WDR47: variants seen among roughly 807,000 people sequenced by gnomAD.
WDR47 encodes WD repeat-containing protein 47.
A neutral mutation model predicts 97.2 loss-of-function variants in WDR47; 32 were observed. The observed-to-expected ratio is 0.33, with a 90% confidence interval of 0.25 to 0.44. The LOEUF (loss-of-function observed/expected upper bound fraction) is 0.44, where lower values mean the gene tolerates loss of function less well. Ranked by LOEUF, WDR47 falls within the 20% of genes least tolerant of loss-of-function variation. The pLI is 1.00. For synonymous variants in WDR47, 375 were observed against 373.5 expected (o/e 1.00, Z -0.05); for missense variants, 782 against 1,102.3 (o/e 0.71, Z 4.11).
intron 1 of WDR47, among the ~76,000 whole-genome samples, chr1:109,025,160 G>A (rs1197592061): frequency 6.6e-6 from 1 of 152,038 alleles, no homozygotes; most frequent in East Asian, 1.9e-4. Context: ...CTAGAGGCCT[G>A]GGCATGGTGG....
intron 9 of WDR47, among the ~76,000 whole-genome samples, chr1:108,990,282 C>G (rs1022362631): frequency 6.6e-6 from 1 of 152,170 alleles, no homozygotes; most frequent in Admixed American, 6.5e-5. Context: ...GATCTTGGCT[C>G]ACTGCAACCT....
chr1:109,023,411 C>T lies in WDR47; in HGVS notation c.102G>A (p.Leu34=), dbSNP rs1661989978. The T allele has an allele frequency of 6.2e-7, 1 of 1,613,784 alleles. No individual in the cohort carries two copies. The highest frequency in any genetic ancestry group is 2.2e-5 in the East Asian group (1 of 44,794). ...SKKLHISMLA[L]EKESGVINGL... ...CATTTATGACTCCACTTTCCTTCTC[C>T]AGGGCCAGCATACTAATGTGAAGCT... The change falls in exon 2 of 15, where the codon CTG becomes CTA. Residue 34 remains leucine (L), a synonymous_variant. Transcript: ENST00000369962.
At chr1:108,986,480 A>AAAATTT (rs1289745011) in intron 10 of WDR47, 43 bp downstream of exon 10, 1 of 1,535,680 alleles carries the variant, frequency 6.5e-7, no homozygotes, top group Non-Finnish European at 8.8e-7. Flanking sequence ...CGGCTAAATT[A>AAAATTT]AAAACTAAGG....
At chr1:109,005,548 C>A (rs979566544) in intron 5 of WDR47, among the ~76,000 whole-genome samples, 8 of 152,210 alleles carry the variant, frequency 5.3e-5, no homozygotes, top group African/African-American at 1.9e-4. Flanking sequence ...GGTTATTAGG[C>A]AGGGAGAGTG....
At chr1:109,007,785 T>C (rs908853856) in intron 5 of WDR47, among the ~76,000 whole-genome samples, 4 of 152,206 alleles carry the variant, frequency 2.6e-5, no homozygotes, top group Non-Finnish European at 4.4e-5. Context: ...GCAAAGCTAT[T>C]GTTCAGACCT....
At chr1:108,987,619 C>A (rs1488386612) in intron 9 of WDR47, among the ~76,000 whole-genome samples, 1 of 152,014 alleles carries the variant, frequency 6.6e-6, no homozygotes, top group South Asian at 2.1e-4. Context: ...AGGTACCCAC[C>A]ACCATGCTTG....
At chr1:109,015,208 A>C (rs1661329053) in intron 3 of WDR47, among the ~76,000 whole-genome samples, 1 of 150,638 alleles carries the variant, frequency 6.6e-6, no homozygotes, top group Admixed American at 6.6e-5. Flanking sequence ...AAAAATAACA[A>C]CAGGTTCAAC....
rs1661507690 is a variant in WDR47 at position 109,017,588 on chromosome 1, C to T, written c.172G>A (p.Asp58Asn). 1 of 1,609,564 alleles carries T rather than the reference C, an allele frequency of 6.2e-7. No individual in the cohort carries two copies. The highest frequency in any genetic ancestry group is 1.1e-5 in the South Asian group (1 of 90,062). Residue 58 changes from aspartate (D) to asparagine (N), a missense_variant, in exon 3 of 15, where the codon GAT becomes AAT. This residue lies in a region of WDR47 where 428 missense variants were observed against 584.3 expected (regional missense o/e 0.73). Coordinates refer to ENST00000369962, the MANE Select transcript of WDR47 (RefSeq NM_001142551.2). Reference sequence around the variant, plus strand: ...TGAAGAACTTCATCCCATTGACCATCAAGTATTAGCTGCCTAAATAAAAAA... The same window carrying T: ...TGAAGAACTTCATCCCATTGACCATTAAGTATTAGCTGCCTAAATAAAAAA... ...DMLFLRQLILDGQWDEVLQFI... is the reference protein window; with the variant it reads ...DMLFLRQLILNGQWDEVLQFI...
intron 1 of WDR47, among the ~76,000 whole-genome samples, chr1:109,036,429 G>C (rs1165071365): frequency 6.6e-6 from 1 of 150,522 alleles, no homozygotes; most frequent in African/African-American, 2.5e-5. Context: ...AAAATTAGCC[G>C]GGCTTGGTAG....
intron 9 of WDR47, among the ~76,000 whole-genome samples, chr1:108,990,128 G>A (rs1385308053): frequency 6.6e-6 from 1 of 152,104 alleles, no homozygotes; most frequent in East Asian, 1.9e-4. Context: ...TTGGGAGGTC[G>A]AGGTGGGAGG....
At chr1:109,027,986 T>C (rs2102018032) in intron 1 of WDR47, among the ~76,000 whole-genome samples, 1 of 152,300 alleles carries the variant, frequency 6.6e-6, no homozygotes, top group East Asian at 1.9e-4. Flanking sequence ...AATAATTACT[T>C]CTTCCCCTCT....
intron 1 of WDR47, among the ~76,000 whole-genome samples, chr1:109,035,496 TA>T (rs1215036074): frequency 6.6e-6 from 1 of 151,768 alleles, no homozygotes; most frequent in Non-Finnish European, 1.5e-5. Flanking sequence ...ATACAATTTT[TA>T]AATTTTTTTT....
intron 2 of WDR47, among the ~76,000 whole-genome samples, chr1:109,021,527 C>CAAAA (rs370414324): frequency 3.4e-4 from 42 of 123,828 alleles, no homozygotes; most frequent in African/African-American, 1.0e-3. Flanking sequence ...GCCTCTATCT[C>CAAAA]AAAAAAAAAA....
At chr1:108,974,877 G>C in intron 13 of WDR47, 123 bp from the exon 14 acceptor site, 1 of 799,090 alleles carries the variant, frequency 1.3e-6, no homozygotes, top group Non-Finnish European at 1.9e-6. Flanking sequence ...ACTATTCAGC[G>C]ATGAAAAAAT....
intron 12 of WDR47, 48 bp from the exon 13 acceptor site, chr1:108,981,912 C>T (rs201235486): frequency 2.5e-5 from 39 of 1,581,030 alleles, no homozygotes; most frequent in South Asian, 4.5e-5. Context: ...AGTATCTTTC[C>T]ATAACATATT....
At chr1:108,983,962 T>G (rs1658563164) in intron 10 of WDR47, among the ~76,000 whole-genome samples, 1 of 152,214 alleles carries the variant, frequency 6.6e-6, no homozygotes, top group Admixed American at 6.6e-5. Flanking sequence ...TGTTACATAG[T>G]CCAGTATAAA....
At position 109,031,896 on chromosome 1, in the gene WDR47, C is replaced by G. The variant is rs145268901; in HGVS notation, c.-9-8375G>C. ...CTCACTGCAGCCTTGACCACCTGAG[C>G]TGAAGAGATCCTCCCGCCTCAGCCT... On this transcript the variant is annotated intron_variant, in intron 1 of 14. Coordinates refer to ENST00000369962, the MANE Select transcript of WDR47 (RefSeq NM_001142551.2). Among the ~76,000 whole-genome samples the G allele has an allele frequency of 8.8e-4, 115 of 131,140 alleles. 21 individuals carry two copies. The highest frequency in any genetic ancestry group is 7.6e-3 in the Middle Eastern group (2 of 262). 86.0% of individuals were successfully genotyped at this position (131,140 alleles called of 152,430 possible).
At chr1:108,980,195 G>A (rs1658237490) in intron 13 of WDR47, among the ~76,000 whole-genome samples, 1 of 151,800 alleles carries the variant, frequency 6.6e-6, no homozygotes, top group Non-Finnish European at 1.5e-5. Flanking sequence ...GCGGACTGCT[G>A]CCTTAAACTG....
intron 7 of WDR47, among the ~76,000 whole-genome samples, chr1:108,999,964 C>A (rs1441579776): frequency 6.6e-6 from 1 of 152,176 alleles, no homozygotes; most frequent in African/African-American, 2.4e-5. Flanking sequence ...TCTGACAAGC[C>A]ACCCACTTCA....
Sources: gnomAD v4.1 joint callset for allele counts (sites outside exome capture counted in the v4.1 genomes callset) on GRCh38, gnomAD v4.1.1 for gene constraint, gnomAD v4.1.1 regional missense constraint, MANE v1.5 for transcripts, NCBI Gene and HGNC (gene_info 2026-07-23, HGNC 2026-07-21) for gene names.